The following CELF2 variants were observed in gnomAD, a reference collection of about 807,000 sequenced individuals.
CELF2 encodes CUG triplet repeat RNA-binding protein 2.
Under a neutral mutation model 62.6 loss-of-function variants are expected in CELF2, and 8 were observed. The observed-to-expected ratio is 0.13, with a 90% CI of 0.07 to 0.23. The LOEUF is 0.23. CELF2 is among the 10% of genes least tolerant of loss of function. The probability of loss-of-function intolerance (pLI) is 1.00; values close to 1 mark genes in which losing one functional copy is unlikely to be tolerated. For missense variants in CELF2, 333 were observed against 671.0 expected (o/e 0.50, Z 5.56); for synonymous variants, 258 against 250.0 (o/e 1.03, Z -0.30).
At chr10:10,880,616 G>A (rs1356421186) in intron 1 of CELF2, among the ~76,000 whole-genome samples, 3 of 152,152 alleles carry the variant, frequency 2.0e-5, no homozygotes, top group Non-Finnish European at 4.4e-5. Flanking sequence ...TTACAGGAAG[G>A]CATAATTTCT....
chr10:10,490,078 G>A, the CELF2 span, among the ~76,000 whole-genome samples: 1 of 134,662 alleles, frequency 7.4e-6, no homozygotes, highest in African/African-American at 2.5e-5. Flanking sequence ...AAAATTCTCT[G>A]GAATGTCATG....
the CELF2 span, among the ~76,000 whole-genome samples, chr10:10,727,644 C>T: frequency 2.0e-5 from 3 of 151,888 alleles, no homozygotes; most frequent in Non-Finnish European, 4.4e-5. Flanking sequence ...GGCGTGCTGG[C>T]GGGCACCTGT....
chr10:11,284,165 G>C (rs1316125882), intron 8 of CELF2, among the ~76,000 whole-genome samples: 1 of 99,726 alleles, frequency 1.0e-5, no homozygotes, highest in African/African-American at 4.0e-5. Flanking sequence ...GGATGAGTGC[G>C]TGGTGGGTGG....
intron 1 of CELF2, among the ~76,000 whole-genome samples, chr10:10,910,769 C>T (rs1229430096): frequency 1.3e-5 from 2 of 150,614 alleles, no homozygotes; most frequent in African/African-American, 4.9e-5. Flanking sequence ...TGTGCATTGT[C>T]TGTTTTTTCG....
At chr10:11,180,782 G>A (rs943209338) in intron 2 of CELF2, among the ~76,000 whole-genome samples, 1 of 152,146 alleles carries the variant, frequency 6.6e-6, no homozygotes, top group African/African-American at 2.4e-5. Context: ...ACTACTTATG[G>A]TGCCCATTTT....
rs1036550769 is a variant in CELF2, at chr10:11,315,839, G to A, written c.1096+1581G>A. Among the ~76,000 whole-genome samples, 170 of 152,336 alleles carry A rather than the reference G, an allele frequency of 1.1e-3. 2 individuals are homozygous for A. Among genetic ancestry groups the A allele is most frequent in the African/African-American group, 3.8e-3 (160 of 41,582 alleles). On this transcript the variant is annotated intron_variant, in intron 10 of 12. Transcript: ENST00000633077. This position sits in a 1 kb window ranked among gnomAD's most constrained non-coding sequence, Gnocchi z 5.8. ...CTTGTCCTTCACCTAGGTCGAGGAC[G>A]CGTGTGCTCGCACACATCCCCTCAT...
the CELF2 span, among the ~76,000 whole-genome samples, chr10:10,594,894 A>G: frequency 6.6e-6 from 1 of 152,186 alleles, no homozygotes; most frequent in Non-Finnish European, 1.5e-5. Context: ...CTTAGTTCTC[A>G]GGACTCTGGG....
At chr10:10,783,305 G>A in the CELF2 span, among the ~76,000 whole-genome samples, 1 of 152,166 alleles carries the variant, frequency 6.6e-6, no homozygotes, top group African/African-American at 2.4e-5. Context: ...TAGCAAAAGG[G>A]AGACTTTGAA....
chr10:10,849,462 C>T (rs1034102233), intron 1 of CELF2, among the ~76,000 whole-genome samples: 1 of 152,024 alleles, frequency 6.6e-6, no homozygotes, highest in Non-Finnish European at 1.5e-5. Context: ...ACTATACACT[C>T]TTTCCCCAGA....
At chr10:10,800,227 A>G (rs563560025) in intron 1 of CELF2, among the ~76,000 whole-genome samples, 1 of 152,334 alleles carries the variant, frequency 6.6e-6, no homozygotes, top group Admixed American at 6.5e-5. Flanking sequence ...TGCTTTTTGC[A>G]CATCAGGTAG....
intron 10 of CELF2, chr10:11,317,038 C>G (rs900953246): frequency 1.3e-5 from 2 of 152,102 alleles, no homozygotes; most frequent in African/African-American, 4.8e-5. Context: ...GAAGAACATA[C>G]TTTTTCCACC....
chr10:10,595,761 T>C, the CELF2 span, among the ~76,000 whole-genome samples: 1 of 152,134 alleles, frequency 6.6e-6, no homozygotes, highest in African/African-American at 2.4e-5. Context: ...CCAGGTATGA[T>C]AGCATGCACC....
the CELF2 span, among the ~76,000 whole-genome samples, chr10:10,580,971 G>A: frequency 6.6e-6 from 1 of 152,164 alleles, no homozygotes; most frequent in Admixed American, 6.5e-5. Context: ...CCATGAAAAG[G>A]TTACAATTAT....
At chr10:11,196,350 T>C (rs1320466940) in intron 2 of CELF2, among the ~76,000 whole-genome samples, 2 of 152,220 alleles carry the variant, frequency 1.3e-5, no homozygotes, top group African/African-American at 2.4e-5. Flanking sequence ...TACATTGGCA[T>C]AGAATTCATC....
At chr10:11,278,806 T>C (rs2087119246) in intron 8 of CELF2, among the ~76,000 whole-genome samples, 1 of 152,262 alleles carries the variant, frequency 6.6e-6, no homozygotes, top group African/African-American at 2.4e-5. Flanking sequence ...TTCCCAAATA[T>C]CACAACAACC....
chr10:11,193,457 C>T (rs2056572681), intron 2 of CELF2, among the ~76,000 whole-genome samples: 1 of 152,148 alleles, frequency 6.6e-6, no homozygotes, highest in African/African-American at 2.4e-5. Context: ...AAAATTTCGC[C>T]ACAAACTGTG....
intron 1 of CELF2, among the ~76,000 whole-genome samples, chr10:11,090,823 T>C (rs2141933897): frequency 6.6e-6 from 1 of 152,340 alleles, no homozygotes; most frequent in Non-Finnish European, 1.5e-5. Flanking sequence ...CATACTGTCA[T>C]CAATGTTTAG....
intron 1 of CELF2, among the ~76,000 whole-genome samples, chr10:11,086,596 A>AAAAAC (rs1564676158): frequency 1.4e-5 from 2 of 148,142 alleles, no homozygotes; most frequent in Non-Finnish European, 3.0e-5. Flanking sequence ...AAAAAAAAAA[A>AAAAAC]AAAAAAAAAA....
At chr10:10,667,292 G>A in the CELF2 span, among the ~76,000 whole-genome samples, 1 of 152,186 alleles carries the variant, frequency 6.6e-6, no homozygotes, top group South Asian at 2.1e-4. Flanking sequence ...TTTAGTGACT[G>A]CCCCTGTCAG....
Sources: gnomAD v4.1 joint callset for allele counts (sites outside exome capture counted in the v4.1 genomes callset) on GRCh38, gnomAD v4.1.1 for gene constraint, Gnocchi (gnomAD v3.1) non-coding constraint, MANE v1.5 for transcripts, NCBI Gene and HGNC (gene_info 2026-07-23, HGNC 2026-07-21) for gene names.